Variants in ESR1 observed in about 807,000 individuals in gnomAD.
ESR1 encodes the protein estrogen receptor 1, also known as estrogen receptor.
ESR1 carries 12 observed loss-of-function variants against 52.7 expected under a neutral mutation model. The observed-to-expected ratio is 0.23, with a 90% confidence interval of 0.15 to 0.37. ESR1 has a LOEUF of 0.37. Among genes scored for constraint, ESR1 ranks in the 10% least tolerant of loss-of-function variants. The pLI is 1.00. For synonymous variants in ESR1, 305 were observed against 316.8 expected (o/e 0.96, Z 0.39); for missense variants, 584 against 779.7 (o/e 0.75, Z 2.99).
At chr6:151,674,751 G>A (rs1778195625) in intron 1 of ESR1, among the ~76,000 whole-genome samples, 1 of 152,140 alleles carries the variant, frequency 6.6e-6, no homozygotes, top group Admixed American at 6.5e-5. Context: ...TTTCATTGTG[G>A]TTTTGATTTG....
At position 152,094,608 on chromosome 6, in the gene ESR1, A is replaced by C. The variant is rs761808657; in HGVS notation, c.1553+40A>C. 1.3e-5 allele frequency: 20 copies of C among 1,592,962 alleles called. No individual in the cohort carries two copies. The highest frequency in any genetic ancestry group is 1.5e-5 in the Non-Finnish European group (18 of 1,165,982). ...GGCTTCCTACAGGAGAGACATAAAG[A>C]AAACATGCCCCCAAACCTATGTGAC... On this transcript the variant is annotated intron_variant, in intron 7 of 7. Coordinates refer to ENST00000206249, the MANE Select transcript of ESR1 (RefSeq NM_000125.4). This position sits in a 1 kb window ranked among gnomAD's most constrained non-coding sequence, Gnocchi z 4.6.
chr6:151,778,567 G>A (rs901135163), intron 2 of ESR1, among the ~76,000 whole-genome samples: 1 of 151,900 alleles, frequency 6.6e-6, no homozygotes, highest in African/African-American at 2.4e-5. Context: ...CACCATGCCT[G>A]GCTAATTTTT....
intron 2 of ESR1, among the ~76,000 whole-genome samples, chr6:151,767,508 A>T (rs1399934099): frequency 6.6e-6 from 1 of 152,198 alleles, no homozygotes; most frequent in Non-Finnish European, 1.5e-5. Flanking sequence ...AAGAAAAAAA[A>T]GATATAGTGA....
chr6:152,099,216 A>G lies in ESR1; in HGVS notation c.*250A>G. ...AGCTCTCTTTCCCCCTTGCTATGTT[A>G]CTAAGCGTGAGGATTCCCGTAGCTC... On this transcript the variant is annotated 3_prime_UTR_variant, in exon 8 of 8. Transcript: ENST00000206249. The G allele has an allele frequency of 1.8e-6, 1 of 546,068 alleles. No homozygotes were observed. The allele number at this position is 546,068 out of a possible 1,614,324, so 33.8% of individuals were successfully genotyped here.
rs772353301 is a variant in ESR1, at chr6:151,944,553, G to T, written c.1096+45G>T. 3.2e-6 allele frequency: 5 copies of T among 1,552,424 alleles called. No individual in the cohort carries two copies. The South Asian group carries it at 5.6e-5, about 17-fold the overall frequency. ...CTTTTAAGAGTCAATAGCTTTTCAA[G>T]AACTTGTTGTGATGTCATGGGAGAA... On this transcript the variant is annotated intron_variant, in intron 4 of 7. Transcript: ENST00000206249.
At chr6:152,096,191 C>A (rs985652077) in intron 7 of ESR1, among the ~76,000 whole-genome samples, 5 of 152,162 alleles carry the variant, frequency 3.3e-5, no homozygotes, top group Non-Finnish European at 7.3e-5. Context: ...CAAGTGGTAT[C>A]ACTAAAAGGA....
At chr6:152,080,832 A>AT (rs1391522040) in intron 6 of ESR1, among the ~76,000 whole-genome samples, 6 of 152,308 alleles carry the variant, frequency 3.9e-5, no homozygotes, top group African/African-American at 1.4e-4. Context: ...GAAAAAAAAA[A>AT]GCAGGGGTTG....
chr6:152,046,837 G>A (rs530082214), intron 5 of ESR1, among the ~76,000 whole-genome samples: 5 of 152,254 alleles, frequency 3.3e-5, no homozygotes, highest in Admixed American at 2.0e-4. Flanking sequence ...GAAAAGGCTG[G>A]CAATTCTAAG....
chr6:152,075,553 A>T (rs1421992510), intron 6 of ESR1, among the ~76,000 whole-genome samples: 1 of 152,246 alleles, frequency 6.6e-6, no homozygotes, highest in African/African-American at 2.4e-5. Flanking sequence ...TCTCTCAAAG[A>T]GAGGAACTTT....
intron 1 of ESR1, among the ~76,000 whole-genome samples, chr6:151,812,441 C>A (rs574583174): frequency 7.2e-5 from 11 of 152,254 alleles, no homozygotes; most frequent in Admixed American, 2.0e-4. Flanking sequence ...CATTTGTCTG[C>A]AGCCTGGCTT....
Position 152,012,042 on chromosome 6 carries a change from A to T in ESR1, c.1235+248A>T, listed in dbSNP as rs928459801. On this transcript the variant is annotated intron_variant, in intron 5 of 7. Transcript: ENST00000206249. ...TACACACACACACACACACACACAC[A>T]CACACTCACACTCTCTCTCTCTCTC... Among the ~76,000 whole-genome samples the T allele has an allele frequency of 3.5e-4, 52 of 148,564 alleles. 1 individual carries two copies. Among genetic ancestry groups the T allele is most frequent in the African/African-American group, 1.2e-3 (50 of 40,060 alleles).
At chr6:151,718,113 T>C (rs1250520687) in intron 2 of ESR1, among the ~76,000 whole-genome samples, 2 of 152,226 alleles carry the variant, frequency 1.3e-5, no homozygotes, top group African/African-American at 4.8e-5. Flanking sequence ...TATAACATTT[T>C]GTATTTGAAA....
intron 5 of ESR1, among the ~76,000 whole-genome samples, chr6:152,019,503 C>T (rs955307438): frequency 6.6e-6 from 1 of 152,170 alleles, no homozygotes; most frequent in African/African-American, 2.4e-5. Flanking sequence ...AGTAAGGATC[C>T]ACTCAATGTA....
intron 2 of ESR1, among the ~76,000 whole-genome samples, chr6:151,706,601 G>C (rs1035510803): frequency 6.6e-6 from 1 of 152,096 alleles, no homozygotes; most frequent in African/African-American, 2.4e-5. Context: ...AAGCTTATTG[G>C]TTTTCCTTGC....
At chr6:151,858,386 C>G (rs1047366851) in intron 2 of ESR1, among the ~76,000 whole-genome samples, 9 of 152,144 alleles carry the variant, frequency 5.9e-5, no homozygotes, top group Non-Finnish European at 1.3e-4. Context: ...AGAGGAAGAG[C>G]TAGCCTTTTT....
chr6:151,955,505 G>C (rs1047468373), intron 4 of ESR1, among the ~76,000 whole-genome samples: 2 of 152,050 alleles, frequency 1.3e-5, no homozygotes, highest in African/African-American at 4.8e-5. Flanking sequence ...ATTCATAGGG[G>C]ATTTCTCTTA....
chr6:151,817,250 G>A (rs966737414), intron 1 of ESR1, among the ~76,000 whole-genome samples: 2 of 152,318 alleles, frequency 1.3e-5, no homozygotes, highest in Middle Eastern at 3.4e-3. Context: ...GCTCTGGGTC[G>A]AAGCTTGAAT....
intron 2 of ESR1, among the ~76,000 whole-genome samples, chr6:151,757,599 C>G (rs546727242): frequency 7.7e-4 from 118 of 152,314 alleles, no homozygotes; most frequent in African/African-American, 2.7e-3. Flanking sequence ...AAAGAGTGAG[C>G]TCATGCATGT....
In ESR1 at chr6:152,102,035, A is replaced by T. The variant is rs1277698532; in HGVS notation, c.*3069A>T. ...TCTATAATGCCATCATGCAGCAATT[A>T]TGAGAGGCTAGGTCATCCAAAGAGA... is the stretch of plus-strand genomic sequence containing the variant. On this transcript the variant is annotated 3_prime_UTR_variant, in exon 8 of 8. Transcript: ENST00000206249. 4.7e-6 allele frequency: 1 copy of T among 214,182 alleles called. No homozygotes were observed. The highest frequency in any genetic ancestry group is 7.0e-5 in the East Asian group (1 of 14,378). 13.3% of individuals were successfully genotyped at this position (214,182 alleles called of 1,614,324 possible). A position where few individuals can be genotyped will look rare whatever the true frequency, so the allele number is the denominator to read the frequency against.
Sources: gnomAD v4.1 joint callset for allele counts (sites outside exome capture counted in the v4.1 genomes callset) on GRCh38, gnomAD v4.1.1 for gene constraint, Gnocchi (gnomAD v3.1) non-coding constraint, MANE v1.5 for transcripts, NCBI Gene and HGNC (gene_info 2026-07-23, HGNC 2026-07-21) for gene names.